ALDH18A1: variants seen among roughly 807,000 people sequenced by gnomAD.
ALDH18A1 encodes delta-1-pyrroline-5-carboxylate synthase.
ALDH18A1 carries 44 observed loss-of-function variants against 88.8 expected under a neutral mutation model. The observed-to-expected ratio is 0.50, with a 90% CI of 0.39 to 0.64. The LOEUF (loss-of-function observed/expected upper bound fraction) is 0.64, where lower values mean the gene tolerates loss of function less well. Ranked by LOEUF, ALDH18A1 falls within the 30% of genes least tolerant of loss-of-function variation. The pLI is 0.00. For missense variants in ALDH18A1, 782 were observed against 1,009.5 expected (o/e 0.77, Z 3.05); for synonymous variants, 331 against 372.1 (o/e 0.89, Z 1.27).
At chr10:95,612,865 C>T (rs1322643829) in intron 15 of ALDH18A1, among the ~76,000 whole-genome samples, 1 of 152,192 alleles carries the variant, frequency 6.6e-6, no homozygotes, top group African/African-American at 2.4e-5. Context: ...GATCTAACTT[C>T]CTTGTAATCC....
At chr10:95,654,986 C>T (rs1477520394) in intron 1 of ALDH18A1, among the ~76,000 whole-genome samples, 1 of 152,098 alleles carries the variant, frequency 6.6e-6, no homozygotes, top group Non-Finnish European at 1.5e-5. Context: ...TAGCTCATGA[C>T]TACTGCTTTT....
intron 10 of ALDH18A1, among the ~76,000 whole-genome samples, chr10:95,626,254 C>T (rs1050883259): frequency 6.6e-6 from 1 of 152,138 alleles, no homozygotes; most frequent in Non-Finnish European, 1.5e-5. Flanking sequence ...TTGACCTCCT[C>T]ACCACTTCCA....
chr10:95,655,027 A>T (rs575193010), intron 1 of ALDH18A1, among the ~76,000 whole-genome samples: 1 of 152,262 alleles, frequency 6.6e-6, no homozygotes, highest in East Asian at 1.9e-4. Context: ...TCCATTGACA[A>T]TATGGCAAAA....
rs943342 is a variant in ALDH18A1 at position 95,610,440 on chromosome 10, A to G, written c.2111-148T>C. ...TCTCACGTATTAAATACTCAGGCTT[A>G]TGAAAAATCTCAACAGGAAGAAGAC... On this transcript the variant is annotated intron_variant, in intron 16 of 17. Transcript: ENST00000371224. 0.42 allele frequency: 295,214 copies of G among 700,284 alleles called. 68,302 individuals are homozygous for G. Among genetic ancestry groups the G allele is most frequent in the Admixed American group, 0.52 (24,234 of 46,960 alleles). The allele number at this position is 700,284 out of a possible 1,614,324, so 43.4% of individuals were successfully genotyped here.
intron 16 of ALDH18A1, among the ~76,000 whole-genome samples, chr10:95,610,905 G>C (rs911489246): frequency 6.6e-6 from 1 of 152,180 alleles, no homozygotes; most frequent in African/African-American, 2.4e-5. Context: ...TGGAATAAAT[G>C]AATGAATGAA....
chr10:95,654,863 A>G (rs2097915474), intron 1 of ALDH18A1, among the ~76,000 whole-genome samples: 1 of 152,036 alleles, frequency 6.6e-6, no homozygotes, highest in Non-Finnish European at 1.5e-5. Flanking sequence ...CAAAATAACT[A>G]CAGAAGAGCC....
chr10:95,623,512 A>G (rs1218424094), intron 11 of ALDH18A1, among the ~76,000 whole-genome samples: 1 of 151,448 alleles, frequency 6.6e-6, no homozygotes, highest in Non-Finnish European at 1.5e-5. Context: ...GGTTCAAGCG[A>G]TTCTCCTGCC....
chr10:95,639,573 TATATATA>T (rs1257446273), intron 3 of ALDH18A1, among the ~76,000 whole-genome samples: 4 of 151,090 alleles, frequency 2.6e-5, no homozygotes, highest in Non-Finnish European at 4.4e-5. Context: ...TCATATATAT[TATATATA>T]ATATATAATT....
At chr10:95,633,989 T>G (rs1382923615) in intron 5 of ALDH18A1, among the ~76,000 whole-genome samples, 4 of 152,028 alleles carry the variant, frequency 2.6e-5, no homozygotes, top group Admixed American at 2.6e-4. Context: ...GTATTTTTAG[T>G]AGAGACAGGG....
At chr10:95,626,513 T>C (rs1411767951) in intron 10 of ALDH18A1, among the ~76,000 whole-genome samples, 190 bp downstream of exon 10, 2 of 152,074 alleles carry the variant, frequency 1.3e-5, no homozygotes, top group African/African-American at 4.8e-5. Flanking sequence ...GACCTCTGTC[T>C]ATAAAAGATA....
intron 11 of ALDH18A1, among the ~76,000 whole-genome samples, chr10:95,621,904 T>A (rs1286937691): frequency 6.6e-6 from 1 of 152,190 alleles, no homozygotes; most frequent in Non-Finnish European, 1.5e-5. Flanking sequence ...AATTCAGTTA[T>A]TATAAATAAT....
chr10:95,626,604 C>A, intron 10 of ALDH18A1, 99 bp downstream of exon 10: 3 of 1,113,818 alleles, frequency 2.7e-6, no homozygotes, highest in Admixed American at 1.8e-5. Context: ...CTCTGTGGCT[C>A]ACTAGGAATA....
Position 95,637,429 on chromosome 10 carries a change from A to T in ALDH18A1, c.311T>A (p.Val104Glu). Residue 104 changes from valine (V) to glutamate (E), a missense_variant, in exon 4 of 18, where the codon GTG (valine) becomes GAG (glutamate). Around this residue, in one of 3 missense-constraint regions of ALDH18A1, gnomAD observed 132 missense variants for 255.5 expected, o/e 0.52. Transcript: ENST00000371224. ...RLASIVEQVS[V>E]LQNQGREMML... Reference sequence around the variant, plus strand: ...CATCTCTCTGCCCTGATTCTGCAGCACTGATACCTGGGCATTGAGAAAGGA... The same window carrying T: ...CATCTCTCTGCCCTGATTCTGCAGCTCTGATACCTGGGCATTGAGAAAGGA... 1 of 1,614,076 alleles carries T rather than the reference A, an allele frequency of 6.2e-7. No individual in the cohort carries two copies.
chr10:95,609,119 C>A (rs1368651143), intron 17 of ALDH18A1, among the ~76,000 whole-genome samples: 1 of 152,210 alleles, frequency 6.6e-6, no homozygotes, highest in Non-Finnish European at 1.5e-5. Flanking sequence ...AGGTGATCTG[C>A]CCGCCTTGGC....
intron 3 of ALDH18A1, among the ~76,000 whole-genome samples, chr10:95,641,016 T>C (rs1262463098): frequency 6.6e-6 from 1 of 152,188 alleles, no homozygotes; most frequent in Non-Finnish European, 1.5e-5. Flanking sequence ...GCCCACAGCA[T>C]GCCATACTCA....
At chr10:95,618,610 G>C (rs772211389) in intron 12 of ALDH18A1, among the ~76,000 whole-genome samples, 3 of 152,144 alleles carry the variant, frequency 2.0e-5, no homozygotes, top group Non-Finnish European at 2.9e-5. Context: ...CACTGTGCCT[G>C]GCCGACAGTT....
At chr10:95,613,620 G>T in intron 15 of ALDH18A1, 122 bp downstream of exon 15, 1 of 1,327,886 alleles carries the variant, frequency 7.5e-7, no homozygotes, top group Non-Finnish European at 1.1e-6. Flanking sequence ...ATGGAACTTT[G>T]TACACAGAAG....
chr10:95,625,395 A>C lies in ALDH18A1; in HGVS notation c.1213T>G (p.Leu405Val). 6.2e-7 allele frequency: 1 copy of C among 1,614,106 alleles called. No homozygotes were observed. Among genetic ancestry groups the C allele is most frequent in the Non-Finnish European group, 8.5e-7 (1 of 1,180,000 alleles). Residue 405 changes from leucine (L) to valine (V), a missense_variant, in exon 11 of 18, where the codon TTA becomes GTA. By Grantham distance (32) the Leu-to-Val change is conservative. Around this residue, in one of 3 missense-constraint regions of ALDH18A1, gnomAD observed 556 missense variants for 654.5 expected, o/e 0.85. Coordinates refer to ENST00000371224, the MANE Select transcript of ALDH18A1 (RefSeq NM_002860.4). ...TCCTCCAAGTCTTTTTTGTTGGCTA[A>C]CAGGATCTCATCACGCTGGTCCGTC... ...LLTDQRDEILLANKKDLEEAE... is the reference protein window; with the variant it reads ...LLTDQRDEILVANKKDLEEAE...
Position 95,627,541 on chromosome 10 carries a change from T to C in ALDH18A1, c.979A>G (p.Ile327Val), listed in dbSNP as rs2097862197. 2.5e-6 allele frequency: 4 copies of C among 1,614,112 alleles called. No homozygotes were observed. Among genetic ancestry groups the C allele is most frequent in the Non-Finnish European group, 3.4e-6 (4 of 1,179,982 alleles). ...ACCTTTGGGTGGGTTCCATTGGCAA[T>C]AACAACAGAAGTGCCACCTTGCAAA... is the stretch of plus-strand genomic sequence containing the variant. The part of the protein sequence containing the change: ...WALQGGTSVV[I>V]ANGTHPKVSG... Residue 327 changes from isoleucine (I) to valine (V), a missense_variant, in exon 9 of 18, where the codon ATT becomes GTT. By Grantham distance (29) the Ile-to-Val change is conservative. Transcript: ENST00000371224.
Sources: gnomAD v4.1 joint callset for allele counts (sites outside exome capture counted in the v4.1 genomes callset) on GRCh38, gnomAD v4.1.1 for gene constraint, gnomAD v4.1.1 regional missense constraint, MANE v1.5 for transcripts, NCBI Gene and HGNC (gene_info 2026-07-23, HGNC 2026-07-21) for gene names.